The following NAALADL2 variants were observed in gnomAD, a reference collection of about 807,000 sequenced individuals.
NAALADL2 encodes the protein N-acetylated alpha-linked acidic dipeptidase like 2.
In NAALADL2, 76 loss-of-function variants were observed where a neutral mutation model predicts 87.2. That is an observed-to-expected ratio of 0.87 (90% CI 0.72 to 1.05). NAALADL2 has a LOEUF of 1.05. NAALADL2 is among the 50% of genes least tolerant of loss of function. The pLI is 0.00. For synonymous variants in NAALADL2, 354 were observed against 331.0 expected (o/e 1.07, Z -0.75); for missense variants, 1,089 against 945.8 (o/e 1.15, Z -1.99).
chr3:175,248,818 A>T (rs750177210), intron 3 of NAALADL2, among the ~76,000 whole-genome samples: 2 of 152,202 alleles, frequency 1.3e-5, no homozygotes, highest in Non-Finnish European at 2.9e-5. Context: ...TTTATAATCA[A>T]CTGCAATCAT....
chr3:175,386,945 G>A (rs1768453153), intron 5 of NAALADL2, among the ~76,000 whole-genome samples: 1 of 152,058 alleles, frequency 6.6e-6, no homozygotes, highest in South Asian at 2.1e-4. Flanking sequence ...AAGCCATAAA[G>A]TGCTTCCTTA....
chr3:174,606,457 A>G (rs1324518307), intron 2 of NAALADL2, among the ~76,000 whole-genome samples: 1 of 152,176 alleles, frequency 6.6e-6, no homozygotes, highest in East Asian at 1.9e-4. Flanking sequence ...AGAATAACCA[A>G]TATAGAGAAG....
At chr3:175,305,649 A>G (rs999661579) in intron 4 of NAALADL2, among the ~76,000 whole-genome samples, 36 of 151,966 alleles carry the variant, frequency 2.4e-4, no homozygotes, top group Non-Finnish European at 3.2e-4. Flanking sequence ...CAGCCTCCCG[A>G]GTAGCTGGGA....
intron 2 of NAALADL2, among the ~76,000 whole-genome samples, chr3:174,688,896 A>T (rs577599188): frequency 6.6e-6 from 1 of 152,178 alleles, no homozygotes; most frequent in South Asian, 2.1e-4. Flanking sequence ...GGGCCAAAAA[A>T]TTAATTTTGG....
At chr3:175,306,609 C>T (rs956814148) in intron 4 of NAALADL2, among the ~76,000 whole-genome samples, 2 of 152,114 alleles carry the variant, frequency 1.3e-5, no homozygotes. Flanking sequence ...AGGCGGATCA[C>T]GAGTTCAGGA....
At chr3:175,756,415 A>G (rs929094447) in intron 13 of NAALADL2, among the ~76,000 whole-genome samples, 11 of 152,190 alleles carry the variant, frequency 7.2e-5, no homozygotes, top group Non-Finnish European at 1.6e-4. Flanking sequence ...GAAGTCATAG[A>G]ATCAACCTGA....
In NAALADL2 at chr3:175,561,505, G is replaced by A. The variant is rs541518185; in HGVS notation, c.1654-14536G>A. Among the ~76,000 whole-genome samples, 51 of 152,198 alleles carry A rather than the reference G, an allele frequency of 3.4e-4. No individual in the cohort carries two copies. In the South Asian group the frequency reaches 0.011, roughly 32 times the overall value. On this transcript the variant is annotated intron_variant, in intron 9 of 13. Transcript: ENST00000454872. ...TTGTTCCCTTATTTTGTAAATGTTA[G>A]ATGAAATATAACAGCACATTTTGTA...
intron 1 of NAALADL2, among the ~76,000 whole-genome samples, chr3:175,036,568 T>C (rs1049980936): frequency 6.6e-6 from 1 of 151,598 alleles, no homozygotes; most frequent in African/African-American, 2.4e-5. Context: ...CCCAGCTAAT[T>C]TTTTGTATTT....
chr3:175,359,494 A>G (rs1015697780), intron 5 of NAALADL2, among the ~76,000 whole-genome samples: 3 of 151,622 alleles, frequency 2.0e-5, no homozygotes, highest in Non-Finnish European at 2.9e-5. Context: ...TCTGTGTAGG[A>G]AGGATATATC....
chr3:175,040,219 G>A (rs1753905127), intron 1 of NAALADL2, among the ~76,000 whole-genome samples: 1 of 152,020 alleles, frequency 6.6e-6, no homozygotes, highest in African/African-American at 2.4e-5. Context: ...TAATAAACTG[G>A]TGTCACTGTC....
chr3:175,536,740 C>T (rs979543575), intron 9 of NAALADL2, among the ~76,000 whole-genome samples: 1 of 152,164 alleles, frequency 6.6e-6, no homozygotes, highest in Non-Finnish European at 1.5e-5. Context: ...GTTGCGATCT[C>T]CTGACCTCGT....
At chr3:175,751,485 G>C (rs1253550441) in intron 12 of NAALADL2, among the ~76,000 whole-genome samples, 1 of 151,976 alleles carries the variant, frequency 6.6e-6, no homozygotes, top group African/African-American at 2.4e-5. Flanking sequence ...TGTGTTGTTT[G>C]TGTGCTCTAA....
intron 1 of NAALADL2, among the ~76,000 whole-genome samples, chr3:174,988,136 C>T (rs779706090): frequency 2.8e-4 from 43 of 151,972 alleles, no homozygotes; most frequent in Non-Finnish European, 5.3e-4. Context: ...AAGACAAGAT[C>T]AAGGAATTGA....
intron 1 of NAALADL2, among the ~76,000 whole-genome samples, chr3:174,505,615 T>A (rs1169216753): frequency 1.3e-5 from 2 of 152,246 alleles, no homozygotes; most frequent in South Asian, 2.1e-4. Context: ...GCATGAGGGA[T>A]AAGGGTAGTG....
At chr3:175,189,816 A>G (rs1737881479) in intron 2 of NAALADL2, among the ~76,000 whole-genome samples, 1 of 152,206 alleles carries the variant, frequency 6.6e-6, no homozygotes, top group Non-Finnish European at 1.5e-5. Context: ...ATTTAAAATT[A>G]TATTACAGAA....
intron 2 of NAALADL2, among the ~76,000 whole-genome samples, chr3:175,170,007 T>C (rs1025782398): frequency 5.9e-5 from 9 of 151,870 alleles, no homozygotes; most frequent in Non-Finnish European, 1.0e-4. Flanking sequence ...TGCACTTTAA[T>C]AGAAGTGTTT....
chr3:175,016,257 ATT>A (rs1252556667), intron 1 of NAALADL2, among the ~76,000 whole-genome samples: 2 of 126,976 alleles, frequency 1.6e-5, no homozygotes, highest in Non-Finnish European at 3.1e-5. Flanking sequence ...CAGATAAATT[ATT>A]TATATATATA....
At chr3:174,787,616 T>TACAC (rs1716954485) in intron 3 of NAALADL2, among the ~76,000 whole-genome samples, 1 of 118,462 alleles carries the variant, frequency 8.4e-6, no homozygotes, top group African/African-American at 2.9e-5. Flanking sequence ...TATATATATA[T>TACAC]ATATAGTAGT....
intron 5 of NAALADL2, among the ~76,000 whole-genome samples, chr3:175,404,789 C>T (rs1423619562): frequency 6.6e-6 from 1 of 152,116 alleles, no homozygotes; most frequent in Non-Finnish European, 1.5e-5. Context: ...CCTCATATAT[C>T]AAGGACCATC....
Sources: allele counts gnomAD v4.1 joint callset (sites outside exome capture counted in the v4.1 genomes callset), GRCh38; gene constraint gnomAD v4.1.1; transcripts MANE v1.5; gene names NCBI Gene and HGNC (gene_info 2026-07-23, HGNC 2026-07-21).